SAMD13: variants seen among roughly 807,000 people sequenced by gnomAD.
SAMD13 encodes the protein sterile alpha motif domain-containing protein 13.
In SAMD13, 9 loss-of-function variants were observed where a neutral mutation model predicts 12.4. The ratio of observed to expected loss-of-function variants is 0.72; its 90% confidence interval spans 0.44 to 1.26. The LOEUF (loss-of-function observed/expected upper bound fraction) is 1.26, where lower values mean the gene tolerates loss of function less well. Among genes scored for constraint, SAMD13 ranks in the 50% most tolerant of loss-of-function variants. The pLI is 0.00. For synonymous variants in SAMD13, 46 were observed against 45.4 expected (o/e 1.01, Z -0.05); for missense variants, 84 against 119.6 (o/e 0.70, Z 1.39).
chr1:84,322,994 T>C (rs1216668394), intron 2 of SAMD13, among the ~76,000 whole-genome samples: 4 of 152,208 alleles, frequency 2.6e-5, no homozygotes, highest in Non-Finnish European at 5.9e-5. Flanking sequence ...TGGGGGTACA[T>C]GTGAAGGTCT....
chr1:84,329,482 T>A (rs1388167548), intron 3 of SAMD13, among the ~76,000 whole-genome samples: 1 of 152,140 alleles, frequency 6.6e-6, no homozygotes, highest in Non-Finnish European at 1.5e-5. Flanking sequence ...TAGACTTGGA[T>A]GTGGCTTTCT....
intron 3 of SAMD13, among the ~76,000 whole-genome samples, chr1:84,348,683 G>A (rs1679585339): frequency 6.6e-6 from 1 of 152,150 alleles, no homozygotes; most frequent in Non-Finnish European, 1.5e-5. Flanking sequence ...CATCTCTTTT[G>A]TGAGAAGCCT....
intron 2 of SAMD13, among the ~76,000 whole-genome samples, chr1:84,304,768 C>T (rs1345580607): frequency 6.6e-6 from 1 of 151,978 alleles, no homozygotes; most frequent in Admixed American, 6.6e-5. Context: ...ACATCCCCCG[C>T]CCCCACACAC....
intron 2 of SAMD13, among the ~76,000 whole-genome samples, chr1:84,321,665 G>C (rs904482105): frequency 6.6e-6 from 1 of 152,186 alleles, no homozygotes; most frequent in Non-Finnish European, 1.5e-5. Context: ...CTAAAGCTAA[G>C]TGTCTCAATT....
At chr1:84,321,602 G>A (rs1678946619) in intron 2 of SAMD13, among the ~76,000 whole-genome samples, 1 of 152,132 alleles carries the variant, frequency 6.6e-6, no homozygotes, top group Admixed American at 6.5e-5. Context: ...AATTTGATAT[G>A]CATAGGTCAT....
At chr1:84,304,636 A>G (rs1233335975) in intron 2 of SAMD13, among the ~76,000 whole-genome samples, 1 of 152,064 alleles carries the variant, frequency 6.6e-6, no homozygotes, top group Non-Finnish European at 1.5e-5. Context: ...AAATTTCCTT[A>G]CGACCTTTTG....
chr1:84,304,032 C>G (rs1427710234), intron 2 of SAMD13: 2 of 152,026 alleles, frequency 1.3e-5, no homozygotes, highest in Non-Finnish European at 1.5e-5. Context: ...CATTTCTTTC[C>G]ATATCATTTA....
intron 2 of SAMD13, among the ~76,000 whole-genome samples, chr1:84,308,241 A>G (rs1031434803): frequency 6.6e-6 from 1 of 152,184 alleles, no homozygotes; most frequent in African/African-American, 2.4e-5. Flanking sequence ...TAGAAGTTCC[A>G]TTTAATTTAT....
At chr1:84,314,217 C>T (rs1450456598) in intron 2 of SAMD13, among the ~76,000 whole-genome samples, 4 of 151,944 alleles carry the variant, frequency 2.6e-5, no homozygotes, top group Admixed American at 6.6e-5. Context: ...AAAGTCCAAC[C>T]GTGCATACAT....
rs1237837477 is a variant in SAMD13, at chr1:84,349,980, T to G, written c.*206T>G. ...GAGCAAGGACAAGATGCGCACAGGGTGGTTTTCCTCATGGATTTTGTCAAA... is the reference window on the plus strand; with the variant it reads ...GAGCAAGGACAAGATGCGCACAGGGGGGTTTTCCTCATGGATTTTGTCAAA... On this transcript the variant is annotated 3_prime_UTR_variant, in exon 4 of 4. Transcript: ENST00000394834. The G allele has an allele frequency of 1.7e-6, 2 of 1,150,652 alleles. No individual in the cohort carries two copies. Among genetic ancestry groups the G allele is most frequent in the African/African-American group, 3.1e-5 (2 of 64,082 alleles). 71.3% of individuals were successfully genotyped at this position (1,150,652 alleles called of 1,614,324 possible). A position where few individuals can be genotyped will look rare whatever the true frequency, so the allele number is the denominator to read the frequency against.
chr1:84,317,265 G>A (rs1418108322), intron 2 of SAMD13, among the ~76,000 whole-genome samples: 1 of 152,004 alleles, frequency 6.6e-6, no homozygotes, highest in Non-Finnish European at 1.5e-5. Flanking sequence ...GCAAGAATGG[G>A]CATCCTTGCC....
Position 84,328,856 on chromosome 1 carries a change from C to CA in SAMD13, c.165+3109dup, listed in dbSNP as rs1431560580. ...AACAACTGCCTCCTTAAACTCTCCT[C>CA]AGGAAAGCTTTGCCCTTCCACTTGA... On this transcript the variant is annotated intron_variant, in intron 3 of 3. Transcript: ENST00000394834. Among the ~76,000 whole-genome samples, 8 of 152,280 alleles carry CA rather than the reference C, an allele frequency of 5.3e-5. No homozygotes were observed. In the South Asian group the frequency reaches 1.7e-3, roughly 32 times the overall value.
chr1:84,299,664 T>TATA (rs1326939086), upstream of SAMD13: 17 of 926,790 alleles, frequency 1.8e-5, no homozygotes, highest in Non-Finnish European at 2.3e-5. Flanking sequence ...AGTGTATATA[T>TATA]ATATATATAT....
intron 2 of SAMD13, among the ~76,000 whole-genome samples, chr1:84,311,253 T>G (rs1208838488): frequency 1.3e-5 from 2 of 150,644 alleles, no homozygotes; most frequent in East Asian, 3.9e-4. Context: ...GGAGAATCGC[T>G]TGAACCCAGG....
intron 3 of SAMD13, among the ~76,000 whole-genome samples, chr1:84,341,070 T>C (rs898386246): frequency 1.3e-5 from 2 of 152,224 alleles, no homozygotes. Context: ...ACTGGACTTA[T>C]ATCATCAGCC....
chr1:84,323,954 C>G (rs969139224), intron 2 of SAMD13, among the ~76,000 whole-genome samples: 1 of 152,140 alleles, frequency 6.6e-6, no homozygotes, highest in African/African-American at 2.4e-5. Context: ...AGACAGTACA[C>G]CAAATTTAGC....
chr1:84,303,577 A>C (rs1371835304), intron 2 of SAMD13: 2 of 241,164 alleles, frequency 8.3e-6, no homozygotes, highest in African/African-American at 2.2e-5. Context: ...TATTGAAACA[A>C]AAACTCCAAG....
upstream of SAMD13, among the ~76,000 whole-genome samples, chr1:84,301,040 A>C (rs1678444885): frequency 2.0e-5 from 3 of 152,210 alleles, no homozygotes; most frequent in African/African-American, 7.2e-5. Flanking sequence ...TGTTTGTTTC[A>C]GTTTGAATTT....
At chr1:84,324,818 C>G (rs1394921996) in intron 2 of SAMD13, among the ~76,000 whole-genome samples, 1 of 152,220 alleles carries the variant, frequency 6.6e-6, no homozygotes, top group East Asian at 1.9e-4. Context: ...TTTCCCTCCT[C>G]TCTGAATCCA....
Sources: gnomAD v4.1 joint callset for allele counts (sites outside exome capture counted in the v4.1 genomes callset) on GRCh38, gnomAD v4.1.1 for gene constraint, MANE v1.5 for transcripts, NCBI Gene and HGNC (gene_info 2026-07-23, HGNC 2026-07-21) for gene names.